Variants in RBFOX1 observed in about 807,000 individuals in gnomAD.
The protein encoded by RBFOX1 is RNA binding fox-1 homolog 1.
RBFOX1 carries 8 observed loss-of-function variants against 57.7 expected under a neutral mutation model. That is an observed-to-expected ratio of 0.14 (90% CI 0.08 to 0.25). The LOEUF (loss-of-function observed/expected upper bound fraction) is 0.25. Ranked by LOEUF, RBFOX1 falls within the 10% of genes least tolerant of loss-of-function variation. The pLI, the probability that RBFOX1 is intolerant of heterozygous loss-of-function variation, is 1.00. For synonymous variants in RBFOX1, 326 were observed against 222.4 expected (o/e 1.47, Z -4.15); for missense variants, 611 against 548.5 (o/e 1.11, Z -1.14).
At position 5,302,879 on chromosome 16, in the gene RBFOX1, A is replaced by G. The variant is rs183084362; in HGVS notation, c.219+62774A>G. On this transcript the variant is annotated intron_variant, in intron 1 of 2. Coordinates refer to the RBFOX1 transcript ENST00000585867. The stretch of plus-strand genomic sequence containing the variant: ...TAGTTAATCTTGCTTTTTTTGGTTT[A>G]ATTTGTCAATCTGTGCTTTGCACAT... Among the ~76,000 whole-genome samples the G allele has an allele frequency of 3.5e-4, 54 of 152,244 alleles. No homozygotes were observed. In the East Asian group the frequency reaches 7.9e-3, roughly 22 times the overall value.
intron 4 of RBFOX1, among the ~76,000 whole-genome samples, chr16:6,003,138 G>C (rs180990858): frequency 0.011 from 1,654 of 152,230 alleles, 30 homozygotes; most frequent in African/African-American, 0.038. Flanking sequence ...AATTAGCTGG[G>C]CGTGGTGGCG....
intron 2 of RBFOX1, among the ~76,000 whole-genome samples, chr16:6,620,031 A>G (rs889547105): frequency 6.6e-6 from 1 of 152,170 alleles, no homozygotes; most frequent in Non-Finnish European, 1.5e-5. Flanking sequence ...CCTGCAAAGG[A>G]CATAATCTTA....
intron 1 of RBFOX1, among the ~76,000 whole-genome samples, chr16:5,263,669 A>G (rs2062789922): frequency 6.6e-6 from 1 of 152,034 alleles, no homozygotes; most frequent in Admixed American, 6.5e-5. Flanking sequence ...TCCTTATGAG[A>G]TGGGAAAGGC....
chr16:7,426,988 A>G (rs888802465), intron 4 of RBFOX1, among the ~76,000 whole-genome samples: 4 of 152,342 alleles, frequency 2.6e-5, no homozygotes, highest in East Asian at 1.9e-4. Context: ...GCTGGAAACC[A>G]TCATTCTCAG....
intron 1 of RBFOX1, among the ~76,000 whole-genome samples, chr16:6,078,797 AT>A (rs2095952181): frequency 6.6e-6 from 1 of 152,202 alleles, no homozygotes; most frequent in Admixed American, 6.5e-5. Context: ...GTCTTTCATC[AT>A]TCTGGATTTT....
chr16:7,529,398 A>G (rs1179138961), intron 5 of RBFOX1, among the ~76,000 whole-genome samples: 1 of 152,252 alleles, frequency 6.6e-6, no homozygotes, highest in Non-Finnish European at 1.5e-5. Flanking sequence ...TAAGGTAGGC[A>G]TTACAAAATT....
intron 1 of RBFOX1, among the ~76,000 whole-genome samples, chr16:6,295,822 G>A (rs997447238): frequency 2.6e-5 from 4 of 152,192 alleles, no homozygotes; most frequent in African/African-American, 7.2e-5. Context: ...AGAGAGCGCC[G>A]GGAGCGATTT....
intron 3 of RBFOX1, among the ~76,000 whole-genome samples, chr16:6,908,417 C>T (rs1427295066): frequency 6.6e-6 from 1 of 152,132 alleles, no homozygotes; most frequent in Non-Finnish European, 1.5e-5. Flanking sequence ...GAACCTTTGA[C>T]TTTTCCACTG....
At chr16:6,241,085 C>G (rs899575187) in intron 1 of RBFOX1, among the ~76,000 whole-genome samples, 73 of 152,238 alleles carry the variant, frequency 4.8e-4, no homozygotes, top group African/African-American at 1.7e-3. Flanking sequence ...CAACTTATCC[C>G]TCCTGGAAAT....
At chr16:5,643,730 C>G (rs533225028) in intron 3 of RBFOX1, among the ~76,000 whole-genome samples, 1 of 152,072 alleles carries the variant, frequency 6.6e-6, no homozygotes, top group Non-Finnish European at 1.5e-5. Context: ...TTTATTGATT[C>G]TTTTACTGAT....
intron 2 of RBFOX1, among the ~76,000 whole-genome samples, chr16:6,509,910 C>A (rs1249568686): frequency 1.3e-5 from 2 of 152,078 alleles, no homozygotes; most frequent in Non-Finnish European, 2.9e-5. Context: ...TAAACTATAT[C>A]CCTGATAATG....
In RBFOX1 at chr16:6,938,431, C is replaced by A. The variant is rs185059668; in HGVS notation, c.-15-113626C>A. ...GAAAAATGTAACTGTTACACTGTTG[C>A]TGTTGTTATTTTTGTTGTTCTTGCC... is the stretch of plus-strand genomic sequence containing the variant. On this transcript the variant is annotated intron_variant, in intron 3 of 15. Transcript: ENST00000550418. Among the ~76,000 whole-genome samples the A allele has an allele frequency of 7.6e-4, 116 of 152,254 alleles. 1 individual carries two copies. The highest frequency in any genetic ancestry group is 1.2e-3 in the Non-Finnish European group (82 of 68,020).
intron 4 of RBFOX1, among the ~76,000 whole-genome samples, chr16:7,299,430 A>T (rs1018138220): frequency 6.6e-6 from 1 of 152,150 alleles, no homozygotes; most frequent in Admixed American, 6.5e-5. Flanking sequence ...CCCACACCCA[A>T]ACTAGAAAGC....
At chr16:5,992,047 T>C (rs939319535) in intron 4 of RBFOX1, among the ~76,000 whole-genome samples, 1 of 152,180 alleles carries the variant, frequency 6.6e-6, no homozygotes, top group Non-Finnish European at 1.5e-5. Flanking sequence ...CACAAAGTTA[T>C]GGGCTGAGCT....
intron 3 of RBFOX1, among the ~76,000 whole-genome samples, chr16:6,663,290 T>C (rs143020932): frequency 6.6e-6 from 1 of 152,302 alleles, no homozygotes; most frequent in African/African-American, 2.4e-5. Flanking sequence ...TAAGTATTTG[T>C]ATATAGTTTG....
intron 3 of RBFOX1, among the ~76,000 whole-genome samples, chr16:6,964,090 C>T (rs536318549): frequency 4.3e-4 from 65 of 152,222 alleles, no homozygotes; most frequent in African/African-American, 1.4e-3. Flanking sequence ...GCATTCTCGG[C>T]TCACTGCAAC....
chr16:7,168,070 A>C (rs2079931939), intron 4 of RBFOX1, among the ~76,000 whole-genome samples: 2 of 152,218 alleles, frequency 1.3e-5, no homozygotes, highest in Non-Finnish European at 2.9e-5. Flanking sequence ...GAAATGTTCC[A>C]GAATAGTTGA....
At chr16:7,163,711 C>T (rs1488143105) in intron 4 of RBFOX1, among the ~76,000 whole-genome samples, 1 of 151,996 alleles carries the variant, frequency 6.6e-6, no homozygotes, top group Non-Finnish European at 1.5e-5. Flanking sequence ...TGCTGGAGTG[C>T]AGTGGTGCAA....
chr16:7,042,205 C>G (rs1001015924), intron 3 of RBFOX1, among the ~76,000 whole-genome samples: 1 of 152,166 alleles, frequency 6.6e-6, no homozygotes, highest in Non-Finnish European at 1.5e-5. Context: ...TAGAGAAACA[C>G]AAGTGTGTAA....
Sources: allele counts gnomAD v4.1 joint callset (sites outside exome capture counted in the v4.1 genomes callset), GRCh38; gene constraint gnomAD v4.1.1; transcripts MANE v1.5; gene names NCBI Gene and HGNC (gene_info 2026-07-23, HGNC 2026-07-21).